The following SYN3 variants were observed in gnomAD, a reference collection of about 807,000 sequenced individuals.
The protein encoded by SYN3 is synapsin III, also known as synapsin-3.
Under a neutral mutation model 65.8 loss-of-function variants are expected in SYN3, and 35 were observed. The observed-to-expected ratio is 0.53, with a 90% CI of 0.41 to 0.70. SYN3 has a LOEUF of 0.70. Among genes scored for constraint, SYN3 ranks in the 30% least tolerant of loss-of-function variants. The pLI, the probability that SYN3 is intolerant of heterozygous loss-of-function variation, is 0.00. For synonymous variants in SYN3, 270 were observed against 292.9 expected, an observed-to-expected ratio of 0.92 and a Z score of 0.80; for missense variants, 680 against 749.0, an observed-to-expected ratio of 0.91 and a Z score of 1.08.
At chr22:32,543,083 TC>T (rs2058284525) in intron 7 of SYN3, among the ~76,000 whole-genome samples, 1 of 152,128 alleles carries the variant, frequency 6.6e-6, no homozygotes, top group African/African-American at 2.4e-5. Flanking sequence ...CTTCCGATCT[TC>T]CTCTCAGCCC....
At chr22:32,804,687 G>A (rs1192433107) in intron 6 of SYN3, among the ~76,000 whole-genome samples, 1 of 152,188 alleles carries the variant, frequency 6.6e-6, no homozygotes, top group African/African-American at 2.4e-5. Context: ...GCCTGGCATG[G>A]CATTCTGGGG....
chr22:32,763,232 C>T (rs1041686229), intron 6 of SYN3, among the ~76,000 whole-genome samples: 11 of 152,102 alleles, frequency 7.2e-5, no homozygotes, highest in African/African-American at 1.9e-4. Flanking sequence ...CTGCAAGCTC[C>T]GCCTCCCGGG....
chr22:32,828,924 A>G (rs996893417), intron 6 of SYN3, among the ~76,000 whole-genome samples: 1 of 152,124 alleles, frequency 6.6e-6, no homozygotes, highest in African/African-American at 2.4e-5. Context: ...GGGCCCCACA[A>G]TGAGGAGGGG....
intron 6 of SYN3, among the ~76,000 whole-genome samples, chr22:32,666,410 G>A (rs2147038913): frequency 6.6e-6 from 1 of 152,170 alleles, no homozygotes; most frequent in African/African-American, 2.4e-5. Context: ...CAGCTCTCTT[G>A]TCCCCTTTGT....
chr22:32,926,089 C>T (rs2050462652), intron 4 of SYN3, among the ~76,000 whole-genome samples: 1 of 152,120 alleles, frequency 6.6e-6, no homozygotes, highest in Non-Finnish European at 1.5e-5. Context: ...TGATCTCAAG[C>T]AATCTGCCCA....
Position 33,005,318 on chromosome 22 carries a change from T to C in SYN3, c.311+1034A>G, listed in dbSNP as rs187350789. ...GTCAGACTTTTCTGGTTCCCATCCATGTATTCCTCTGCTCTGGATGCAATG... is the reference window on the plus strand; with the variant it reads ...GTCAGACTTTTCTGGTTCCCATCCACGTATTCCTCTGCTCTGGATGCAATG... On this transcript the variant is annotated intron_variant, in intron 2 of 13. Coordinates refer to ENST00000358763, the MANE Select transcript of SYN3 (RefSeq NM_003490.4). Among the ~76,000 whole-genome samples the C allele has an allele frequency of 5.9e-5, 9 of 152,326 alleles. No homozygotes were observed. In the East Asian group the frequency reaches 1.7e-3, roughly 29 times the overall value.
intron 6 of SYN3, chr22:32,858,233 T>C: frequency 6.4e-7 from 1 of 1,560,730 alleles, no homozygotes; most frequent in South Asian, 1.2e-5. Context: ...GGCCCTCGGC[T>C]GGGAAGGGTA....
At chr22:32,982,619 T>C (rs1409704620) in intron 2 of SYN3, among the ~76,000 whole-genome samples, 1 of 152,224 alleles carries the variant, frequency 6.6e-6, no homozygotes, top group Non-Finnish European at 1.5e-5. Context: ...GTGTTTAATG[T>C]CTGTGTACCA....
In SYN3 at chr22:32,513,629, G is replaced by C; in HGVS notation, c.*63C>G. The stretch of plus-strand genomic sequence containing the variant: ...CCCATCAGGAACCAAGGCTGAGAAG[G>C]AAGATGAGGCAGGAGGGGGACGAGT... On this transcript the variant is annotated 3_prime_UTR_variant, in exon 14 of 14. Transcript: ENST00000358763. 6.3e-7 allele frequency: 1 copy of C among 1,587,500 alleles called. No individual in the cohort carries two copies. Among genetic ancestry groups the C allele is most frequent in the Non-Finnish European group, 8.6e-7 (1 of 1,163,378 alleles).
intron 6 of SYN3, among the ~76,000 whole-genome samples, chr22:32,606,906 C>G (rs2059380326): frequency 6.6e-6 from 1 of 151,554 alleles, no homozygotes; most frequent in Non-Finnish European, 1.5e-5. Context: ...ATGTGCACAA[C>G]GTGCAGGTTT....
At chr22:32,963,722 G>T (rs2051733067) in intron 3 of SYN3, among the ~76,000 whole-genome samples, 1 of 152,148 alleles carries the variant, frequency 6.6e-6, no homozygotes, top group Non-Finnish European at 1.5e-5. Flanking sequence ...AAACGAGGCT[G>T]GTGCCAGGTT....
chr22:32,938,594 C>CG (rs1225090629), intron 3 of SYN3, among the ~76,000 whole-genome samples: 1 of 151,378 alleles, frequency 6.6e-6, no homozygotes, highest in African/African-American at 2.4e-5. Context: ...AAACAACTGT[C>CG]GGTATGGAAT....
In SYN3 at chr22:32,977,500, C is replaced by A. The variant is rs149499485; in HGVS notation, c.369+3145G>T. Among the ~76,000 whole-genome samples the A allele has an allele frequency of 1.7e-3, 264 of 152,144 alleles. 3 individuals are homozygous for A. The highest frequency in any genetic ancestry group is 6.3e-3 in the African/African-American group (260 of 41,506). ...TGTGTGGTGGCCTGTAATCCCAGCA[C>A]GTTGGGAGGCCGAGGCGGGTGGATC... On this transcript the variant is annotated intron_variant, in intron 3 of 13. Transcript: ENST00000358763.
intron 6 of SYN3, among the ~76,000 whole-genome samples, chr22:32,828,449 C>T (rs2047477335): frequency 1.3e-5 from 2 of 152,256 alleles, no homozygotes; most frequent in Admixed American, 6.5e-5. Context: ...GTCAGAGATC[C>T]AATCCCTGGC....
chr22:32,920,931 T>G (rs2050320326), intron 4 of SYN3, among the ~76,000 whole-genome samples: 1 of 152,182 alleles, frequency 6.6e-6, no homozygotes, highest in Admixed American at 6.5e-5. Context: ...CCTCCCCAGT[T>G]ATAGCTTCAA....
intron 1 of SYN3, among the ~76,000 whole-genome samples, chr22:33,020,431 G>T (rs972423477): frequency 2.6e-5 from 4 of 152,148 alleles, no homozygotes; most frequent in Non-Finnish European, 5.9e-5. Context: ...ATAAGAGAGG[G>T]TGTCTGAAGA....
intron 7 of SYN3, among the ~76,000 whole-genome samples, chr22:32,544,445 T>A (rs770709996): frequency 6.6e-6 from 1 of 152,208 alleles, no homozygotes; most frequent in Non-Finnish European, 1.5e-5. Context: ...TCAACCCACT[T>A]TCTTTAGGTT....
intron 1 of SYN3, among the ~76,000 whole-genome samples, chr22:33,043,617 C>T (rs1337304207): frequency 6.6e-6 from 1 of 152,138 alleles, no homozygotes; most frequent in Non-Finnish European, 1.5e-5. Context: ...GTTAATATCC[C>T]AGCAATTCTG....
At chr22:32,542,978 C>T (rs1601601268) in intron 7 of SYN3, among the ~76,000 whole-genome samples, 1 of 152,126 alleles carries the variant, frequency 6.6e-6, no homozygotes, top group East Asian at 1.9e-4. Flanking sequence ...CAGAGGAGTT[C>T]TGATGCTGGG....
Sources: allele counts gnomAD v4.1 joint callset (sites outside exome capture counted in the v4.1 genomes callset), GRCh38; gene constraint gnomAD v4.1.1; transcripts MANE v1.5; gene names NCBI Gene and HGNC (gene_info 2026-07-23, HGNC 2026-07-21).